Variants in BRF1 observed in about 807,000 individuals in gnomAD.
BRF1 encodes the protein BRF1 general transcription factor IIIB subunit.
BRF1 carries 59 observed loss-of-function variants against 81.7 expected under a neutral mutation model. The observed-to-expected ratio is 0.72, with a 90% CI of 0.59 to 0.90. The LOEUF is 0.90. BRF1 is among the 40% of genes least tolerant of loss of function. The pLI is 0.00. For missense variants in BRF1, 1,050 were observed against 936.3 expected (o/e 1.12, Z -1.58); for synonymous variants, 491 against 395.6 (o/e 1.24, Z -2.86).
intron 1 of BRF1, among the ~76,000 whole-genome samples, chr14:105,290,186 G>A (rs1223962866): frequency 7.2e-5 from 11 of 152,234 alleles, no homozygotes; most frequent in African/African-American, 1.9e-4. Flanking sequence ...TTGGGAGGCC[G>A]ATGCGGTTGG....
At chr14:105,212,362 A>G in intron 15 of BRF1, 198 bp from the exon 16 acceptor site, 2 of 642,016 alleles carry the variant, frequency 3.1e-6, no homozygotes, top group South Asian at 4.1e-5. Flanking sequence ...ACCCGTTCAC[A>G]TTCTCAACAG....
At chr14:105,253,298 C>T (rs1176212567) in intron 4 of BRF1, among the ~76,000 whole-genome samples, 1 of 152,216 alleles carries the variant, frequency 6.6e-6, no homozygotes, top group East Asian at 1.9e-4. Flanking sequence ...GCAATGTCTG[C>T]TGGCAGGTGT....
At chr14:105,250,421 A>G in intron 5 of BRF1, 1 of 1,613,924 alleles carries the variant, frequency 6.2e-7, no homozygotes, top group Non-Finnish European at 8.5e-7. Context: ...TCAGAACTTG[A>G]CCAAGTTCAT....
At chr14:105,285,861 C>T (rs898990289) in intron 2 of BRF1, among the ~76,000 whole-genome samples, 2 of 152,126 alleles carry the variant, frequency 1.3e-5, no homozygotes, top group African/African-American at 2.4e-5. Flanking sequence ...ATCACACATC[C>T]GATAAAAGAC....
rs754350596 is a variant in BRF1 at position 105,241,625 on chromosome 14, C to T, written c.545-211G>A. 131 of 641,974 alleles carry T rather than the reference C, an allele frequency of 2.0e-4. 1 individual carries two copies. The highest frequency in any genetic ancestry group is 8.6e-4 in the Middle Eastern group (2 of 2,328). The allele number at this position is 641,974 out of a possible 1,614,324, so 39.8% of individuals were successfully genotyped here. A position where few individuals can be genotyped will look rare whatever the true frequency, so the allele number is the denominator to read the frequency against. On this transcript the variant is annotated intron_variant, in intron 5 of 17. Transcript: ENST00000547530. ...AGGAGAGCCACTGGCCACCTGCTGCCAGCCAGCCTGCTGCAGACACGCTAG... is the reference window on the plus strand; with the variant it reads ...AGGAGAGCCACTGGCCACCTGCTGCTAGCCAGCCTGCTGCAGACACGCTAG...
intron 11 of BRF1, 101 bp downstream of exon 11, chr14:105,221,547 C>G: frequency 2.0e-6 from 3 of 1,479,626 alleles, no homozygotes; most frequent in Non-Finnish European, 2.7e-6. Context: ...CACCACACCT[C>G]CCGACAGAGG....
At chr14:105,248,205 G>T (rs1044071870) in intron 5 of BRF1, 27 of 985,402 alleles carry the variant, frequency 2.7e-5, no homozygotes, top group Non-Finnish European at 3.1e-5. Context: ...GCTAAATCGC[G>T]AAGCATCTGA....
intron 2 of BRF1, among the ~76,000 whole-genome samples, chr14:105,274,551 G>C (rs941557515): frequency 3.3e-5 from 5 of 152,208 alleles, no homozygotes; most frequent in Non-Finnish European, 5.9e-5. Context: ...AGGTGGCCAG[G>C]ACGGCAACAT....
chr14:105,244,005 A>G (rs2054903906), intron 5 of BRF1, among the ~76,000 whole-genome samples: 2 of 152,088 alleles, frequency 1.3e-5, no homozygotes, highest in Admixed American at 1.3e-4. Context: ...ATCTCAAACA[A>G]ACAAACAAAA....
At chr14:105,287,411 T>C (rs767272355) in intron 1 of BRF1, among the ~76,000 whole-genome samples, 1 of 151,968 alleles carries the variant, frequency 6.6e-6, no homozygotes, top group African/African-American at 2.4e-5. Flanking sequence ...AGCTGGAAAG[T>C]GCCCCCCGCC....
chr14:105,306,717 T>G (rs1411374023), intron 1 of BRF1, among the ~76,000 whole-genome samples: 1 of 152,174 alleles, frequency 6.6e-6, no homozygotes, highest in African/African-American at 2.4e-5. Context: ...GCAATTCTCC[T>G]GCCTCAGCCT....
rs2054248020 is a variant in BRF1 at position 105,228,883 on chromosome 14, A to C, written c.725T>G (p.Phe242Cys). 1.2e-6 allele frequency: 2 copies of C among 1,613,798 alleles called. No individual in the cohort carries two copies. The highest frequency in any genetic ancestry group is 1.7e-6 in the Non-Finnish European group (2 of 1,180,004). ...ALLVAARMHD[F>C]RRTVKEVISV... The stretch of plus-strand genomic sequence containing the variant: ...GATGACCTCCTTCACAGTCCTCCTG[A>C]AGTCATGCATTCTGGCTGCAACCAG... The change falls in exon 7 of 18, where the codon TTC becomes TGC. Residue 242 changes from phenylalanine (F) to cysteine (C), a missense_variant. Phe to Cys is a radical substitution (Grantham distance 205). Transcript: ENST00000547530.
intron 11 of BRF1, among the ~76,000 whole-genome samples, chr14:105,220,375 A>C (rs1892086698): frequency 6.6e-6 from 1 of 152,168 alleles, no homozygotes; most frequent in Non-Finnish European, 1.5e-5. Flanking sequence ...AAACCCCAGC[A>C]CTTCTGTGCT....
chr14:105,250,832 A>C (rs1175555384), intron 5 of BRF1: 9 of 774,722 alleles, frequency 1.2e-5, no homozygotes, highest in Non-Finnish European at 1.9e-5. Context: ...ACACAGCCAG[A>C]ACCCAGGGAT....
intron 2 of BRF1, among the ~76,000 whole-genome samples, chr14:105,282,513 C>T (rs1049017728): frequency 1.3e-5 from 2 of 152,116 alleles, no homozygotes; most frequent in East Asian, 1.9e-4. Context: ...AAGCTTGCAG[C>T]GGGACCAGGG....
chr14:105,214,433 T>A (rs1017559659), intron 15 of BRF1, among the ~76,000 whole-genome samples: 1 of 148,906 alleles, frequency 6.7e-6, no homozygotes, highest in Non-Finnish European at 1.5e-5. Context: ...CCCACACCCA[T>A]GCATGGCCCA....
At chr14:105,281,088 A>C (rs2057073698) in intron 2 of BRF1, among the ~76,000 whole-genome samples, 2 of 142,126 alleles carry the variant, frequency 1.4e-5, no homozygotes, top group African/African-American at 2.7e-5. Context: ...AGCCTGCGTG[A>C]CCCTGAGCCC....
rs1020344183 is a variant in BRF1 at position 105,210,839 on chromosome 14, G to C, written c.1997-251C>G. ...GTGGGCTCCCTCAGCCTCCCTCCCT[G>C]GGTGTGCAGGTCCGTGGTGGTGTGC... is the stretch of plus-strand genomic sequence containing the variant. On this transcript the variant is annotated intron_variant, in intron 17 of 17. Coordinates refer to ENST00000547530, the MANE Select transcript of BRF1 (RefSeq NM_001519.4). This position sits in a 1 kb window ranked among gnomAD's most constrained non-coding sequence, Gnocchi z 4.7. 6.6e-6 allele frequency among the ~76,000 whole-genome samples: 1 copy of C among 152,162 alleles called. No homozygotes were observed. Among genetic ancestry groups the C allele is most frequent in the Non-Finnish European group, 1.5e-5 (1 of 68,026 alleles).
intron 15 of BRF1, among the ~76,000 whole-genome samples, chr14:105,214,989 T>C (rs1890851499): frequency 6.6e-6 from 1 of 152,200 alleles, no homozygotes; most frequent in Non-Finnish European, 1.5e-5. Context: ...TGGAACTGCC[T>C]GAGCTGCCCA....
Sources: gnomAD v4.1 joint callset for allele counts (sites outside exome capture counted in the v4.1 genomes callset) on GRCh38, gnomAD v4.1.1 for gene constraint, Gnocchi (gnomAD v3.1) non-coding constraint, MANE v1.5 for transcripts, NCBI Gene and HGNC (gene_info 2026-07-23, HGNC 2026-07-21) for gene names.